GAB3: variants seen among roughly 807,000 people sequenced by gnomAD.
GAB3 encodes the protein GRB2-associated-binding protein 3.
A neutral mutation model predicts 40.4 loss-of-function variants in GAB3; 12 were observed. That is an observed-to-expected ratio of 0.30 (90% confidence interval 0.19 to 0.48). The LOEUF (loss-of-function observed/expected upper bound fraction) is 0.48, where lower values mean the gene tolerates loss of function less well. Among genes scored for constraint, GAB3 ranks in the 20% least tolerant of loss-of-function variants. GAB3 has a pLI of 0.99. For synonymous variants in GAB3, 154 were observed against 176.7 expected (o/e 0.87, Z 1.02); for missense variants, 381 against 461.9 (o/e 0.82, Z 1.61).
chrX:154,725,899 T>C (rs1276796032), intron 1 of GAB3, among the ~76,000 whole-genome samples: 1 of 111,366 alleles, frequency 9.0e-6, no homozygotes, highest in Non-Finnish European at 1.9e-5. Context: ...CAGGCTGCTC[T>C]AGACTTGCCC....
At chrX:154,709,324 T>A (rs2070878021) in intron 4 of GAB3, among the ~76,000 whole-genome samples, 1 of 8,881 alleles carries the variant, frequency 1.1e-4, no homozygotes, top group Non-Finnish European at 1.8e-3. Context: ...CTCCGGCAGT[T>A]TTTTTTTTTT....
intron 1 of GAB3, among the ~76,000 whole-genome samples, chrX:154,736,214 A>G (rs782816072): frequency 8.9e-6 from 1 of 112,654 alleles, no homozygotes; most frequent in East Asian, 2.8e-4. Context: ...TCATCCTCAC[A>G]ACAAACCCAT....
chrX:154,690,625 C>A (rs1352188908), intron 8 of GAB3, among the ~76,000 whole-genome samples: 1 of 112,220 alleles, frequency 8.9e-6, no homozygotes, highest in Non-Finnish European at 1.9e-5. Flanking sequence ...ACAGACACTT[C>A]GCAAAAGAAG....
At chrX:154,730,267 C>A (rs2071272809) in intron 1 of GAB3, among the ~76,000 whole-genome samples, 1 of 112,254 alleles carries the variant, frequency 8.9e-6, no homozygotes. Context: ...CTTTTCATTT[C>A]CTTTGACACC....
At chrX:154,683,561 C>T (rs1195308263) in intron 8 of GAB3, among the ~76,000 whole-genome samples, 3 of 111,749 alleles carry the variant, frequency 2.7e-5, no homozygotes, top group East Asian at 2.8e-4. Flanking sequence ...TGGAATTTAC[C>T]TGATGCCTTT....
At chrX:154,735,519 C>T (rs2071353766) in intron 1 of GAB3, among the ~76,000 whole-genome samples, 1 of 112,440 alleles carries the variant, frequency 8.9e-6, no homozygotes, top group Non-Finnish European at 1.9e-5. Context: ...CTTCCAGCTG[C>T]TCAGGCCAAG....
rs781853620 is a variant in GAB3 at position 154,748,192 on chromosome X, C to T, written c.72+2762G>A. On this transcript the variant is annotated intron_variant, in intron 1 of 9. Transcript: ENST00000424127. The stretch of plus-strand genomic sequence containing the variant: ...CAAGGAATATTTGACAATGCTTTAA[C>T]GAATGAAGTAAATCTATATGTACTA... 2.2e-3 allele frequency among the ~76,000 whole-genome samples: 247 copies of T among 112,211 alleles called. 2 individuals carry two copies. The highest frequency in any genetic ancestry group is 4.0e-3 in the Non-Finnish European group (214 of 53,229).
chrX:154,751,504 T>C, upstream of GAB3: 1 of 752,136 alleles, frequency 1.3e-6, no homozygotes, highest in Non-Finnish European at 1.6e-6. Flanking sequence ...GCATCTGCCA[T>C]GTGCATAGTT....
At chrX:154,708,866 C>G (rs992692313) in intron 4 of GAB3, among the ~76,000 whole-genome samples, 1 of 111,790 alleles carries the variant, frequency 8.9e-6, no homozygotes, top group Non-Finnish European at 1.9e-5. Context: ...GATACATATC[C>G]AAAAGAAATG....
Position 154,680,149 on chromosome X carries a change from G to T in GAB3, c.1630C>A (p.Pro544Thr). ...YLALDFNSASPAPMQQKLLLS... is the reference protein window; with the variant it reads ...YLALDFNSASTAPMQQKLLLS... Reference sequence around the variant, plus strand: ...CTTCCTACCTGCTGCATGGGGGCTGGTGATGCTGAATTGAAGTCCAGGGCC... The same window carrying T: ...CTTCCTACCTGCTGCATGGGGGCTGTTGATGCTGAATTGAAGTCCAGGGCC... The change falls in exon 9 of 10, where the codon CCA (proline) becomes ACA (threonine). Residue 544 changes from proline (P) to threonine (T), a missense_variant. Around this residue, in one of 2 missense-constraint regions of GAB3, gnomAD observed 17 missense variants for 40.9 expected, o/e 0.42. Transcript: ENST00000424127. 2.5e-6 allele frequency: 3 copies of T among 1,203,999 alleles called. No individual in the cohort carries two copies. Among genetic ancestry groups the T allele is most frequent in the Non-Finnish European group, 3.4e-6 (3 of 888,724 alleles).
At chrX:154,698,618 G>A (rs980426353) in intron 6 of GAB3, among the ~76,000 whole-genome samples, 1 of 111,602 alleles carries the variant, frequency 9.0e-6, no homozygotes, top group African/African-American at 3.3e-5. Flanking sequence ...GGGAGGATGA[G>A]CAAGAATGAA....
chrX:154,692,280 T>C (rs1603423438), intron 8 of GAB3, among the ~76,000 whole-genome samples: 1 of 111,508 alleles, frequency 9.0e-6, no homozygotes, highest in Admixed American at 9.5e-5. Flanking sequence ...GGGGTTAACA[T>C]CCAGAATATA....
At chrX:154,728,631 T>C (rs1191411097) in intron 1 of GAB3, among the ~76,000 whole-genome samples, 3 of 112,184 alleles carry the variant, frequency 2.7e-5, no homozygotes, top group Non-Finnish European at 5.6e-5. Context: ...TGGGGAGCAG[T>C]TGGAGTTACA....
chrX:154,750,990 G>T lies in GAB3; in HGVS notation c.36C>A (p.Leu12=), dbSNP rs1603428785. The part of the protein sequence containing the change: ...SAGDAVCTGW[L]VKSPPERKLQ... ...GCTTCCTCTCGGGGGGCGACTTAAC[G>T]AGCCAGCCGGTGCACACTGCGTCGC... Residue 12 remains leucine (L), a synonymous_variant, in exon 1 of 10, where the codon CTC becomes CTA. Coordinates refer to ENST00000424127, the MANE Select transcript of GAB3 (RefSeq NM_001081573.3). 1 of 812,441 alleles carries T rather than the reference G, an allele frequency of 1.2e-6. No individual in the cohort carries two copies. Among genetic ancestry groups the T allele is most frequent in the Non-Finnish European group, 1.5e-6 (1 of 671,032 alleles). 67.0% of individuals were successfully genotyped at this position (812,441 alleles called of 1,213,427 possible).
At chrX:154,717,830 G>A (rs781898374) in intron 1 of GAB3, among the ~76,000 whole-genome samples, 1 of 112,093 alleles carries the variant, frequency 8.9e-6, no homozygotes, top group African/African-American at 3.2e-5. Flanking sequence ...TGAGTTCCTT[G>A]TCTTACATTT....
chrX:154,712,214 G>C lies in GAB3; in HGVS notation c.1069+15C>G. 3 of 1,132,148 alleles carry C rather than the reference G, an allele frequency of 2.6e-6. No homozygotes were observed. Among genetic ancestry groups the C allele is most frequent in the Non-Finnish European group, 3.6e-6 (3 of 840,892 alleles). 93.3% of individuals were successfully genotyped at this position (1,132,148 alleles called of 1,213,427 possible). A position where few individuals can be genotyped will look rare whatever the true frequency, so the allele number is the denominator to read the frequency against. On this transcript the variant is annotated intron_variant, in intron 4 of 9. Transcript: ENST00000424127. ...GGGTTTTCTTGGCGCCTGAATCTTA[G>C]GACCCAACACTTACCTTTCCAGGTT...
At chrX:154,719,192 C>T (rs1302403723) in intron 1 of GAB3, among the ~76,000 whole-genome samples, 4 of 111,885 alleles carry the variant, frequency 3.6e-5, no homozygotes, top group African/African-American at 1.3e-4. Context: ...TTTATCCATT[C>T]ATTCAACAAT....
intron 9 of GAB3, among the ~76,000 whole-genome samples, chrX:154,678,695 T>C (rs1346929660): frequency 1.8e-5 from 2 of 112,147 alleles, no homozygotes; most frequent in African/African-American, 6.5e-5. Context: ...ACCCTCATGC[T>C]GTTCTCATGA....
intron 1 of GAB3, among the ~76,000 whole-genome samples, chrX:154,747,104 C>G: frequency 8.9e-6 from 1 of 112,104 alleles, no homozygotes; most frequent in Non-Finnish European, 1.9e-5. Flanking sequence ...CTCTGGGGTT[C>G]AAGCAATTCT....
Sources: gnomAD v4.1 joint callset for allele counts (sites outside exome capture counted in the v4.1 genomes callset) on GRCh38, gnomAD v4.1.1 for gene constraint, gnomAD v4.1.1 regional missense constraint, MANE v1.5 for transcripts, NCBI Gene and HGNC (gene_info 2026-07-23, HGNC 2026-07-21) for gene names.